HMCN1: variants seen among roughly 807,000 people sequenced by gnomAD.
HMCN1 encodes the protein hemicentin 1, also known as hemicentin-1.
A neutral mutation model predicts 625.9 loss-of-function variants in HMCN1; 321 were observed. That is an observed-to-expected ratio of 0.51 (90% CI 0.47 to 0.56). The LOEUF (loss-of-function observed/expected upper bound fraction) is 0.56. HMCN1 is among the 20% of genes least tolerant of loss of function. The pLI is 0.00. For missense variants in HMCN1, 6,588 were observed against 6,887.3 expected (o/e 0.96, Z 1.54); for synonymous variants, 2,425 against 2,417.6 (o/e 1.00, Z -0.09).
At chr1:185,903,529 C>T (rs563132740) in intron 4 of HMCN1, among the ~76,000 whole-genome samples, 2 of 151,874 alleles carry the variant, frequency 1.3e-5, no homozygotes, top group East Asian at 3.9e-4. Context: ...CTATACAACA[C>T]ATCACCAGCC....
At chr1:186,033,367 A>T (rs1161622350) in intron 36 of HMCN1, among the ~76,000 whole-genome samples, 1 of 152,168 alleles carries the variant, frequency 6.6e-6, no homozygotes, top group Admixed American at 6.6e-5. Flanking sequence ...TGATGGGTGT[A>T]CTAAAATCTC....
At chr1:186,180,254 C>T (rs1474206030) in intron 104 of HMCN1, among the ~76,000 whole-genome samples, 2 of 152,164 alleles carry the variant, frequency 1.3e-5, no homozygotes, top group Non-Finnish European at 2.9e-5. Flanking sequence ...AAGTTGTTCA[C>T]TATTCTCTTA....
intron 36 of HMCN1, among the ~76,000 whole-genome samples, chr1:186,027,197 A>T (rs898505955): frequency 1.3e-5 from 2 of 152,142 alleles, no homozygotes; most frequent in African/African-American, 4.8e-5. Context: ...GAACATTCTC[A>T]TGGGGTTTTC....
intron 4 of HMCN1, among the ~76,000 whole-genome samples, chr1:185,877,171 T>C (rs554869798): frequency 1.3e-5 from 2 of 152,026 alleles, no homozygotes; most frequent in Admixed American, 6.6e-5. Context: ...TATTTATTTA[T>C]TTAATAACAG....
At chr1:185,891,719 C>A (rs942616502) in intron 4 of HMCN1, among the ~76,000 whole-genome samples, 3 of 148,098 alleles carry the variant, frequency 2.0e-5, no homozygotes, top group Admixed American at 6.6e-5. Flanking sequence ...GGTAACCCGA[C>A]CTTTCTCTCT....
chr1:186,121,203 A>T (rs1441024228), intron 80 of HMCN1, among the ~76,000 whole-genome samples: 1 of 152,140 alleles, frequency 6.6e-6, no homozygotes, highest in Non-Finnish European at 1.5e-5. Context: ...CACAAGGGAG[A>T]TCAGAAAAGT....
intron 11 of HMCN1, among the ~76,000 whole-genome samples, chr1:185,960,111 C>G (rs1649903354): frequency 6.7e-6 from 1 of 149,592 alleles, no homozygotes; most frequent in African/African-American, 2.5e-5. Flanking sequence ...AGTATCTTAT[C>G]AGCAGGAATA....
rs185620644 is a variant in HMCN1, at chr1:185,798,643, C to A, written c.269-47383C>A. ...CTGCCTTCAGACTCTGAGATTCTTTCTTCTGCTTGTTCTAGTCTATTGTTA... is the reference window on the plus strand; with the variant it reads ...CTGCCTTCAGACTCTGAGATTCTTTATTCTGCTTGTTCTAGTCTATTGTTA... On this transcript the variant is annotated intron_variant, in intron 1 of 106. Coordinates refer to ENST00000271588, the MANE Select transcript of HMCN1 (RefSeq NM_031935.3). 2.6e-5 allele frequency among the ~76,000 whole-genome samples: 4 copies of A among 151,920 alleles called. No individual in the cohort carries two copies. The East Asian group carries it at 7.8e-4, about 30-fold the overall frequency.
intron 1 of HMCN1, among the ~76,000 whole-genome samples, chr1:185,840,190 C>T (rs150026318): frequency 3.4e-4 from 51 of 152,138 alleles, no homozygotes; most frequent in African/African-American, 7.7e-4. Context: ...AAATATGGAA[C>T]GCATGTATTG....
At chr1:186,015,480 T>C (rs1413110361) in intron 31 of HMCN1, 43 bp downstream of exon 31, 3 of 1,576,078 alleles carry the variant, frequency 1.9e-6, no homozygotes, top group South Asian at 2.2e-5. Context: ...TTTCTACCTA[T>C]GCTTTCTAAT....
intron 1 of HMCN1, among the ~76,000 whole-genome samples, chr1:185,774,041 T>C (rs1656428190): frequency 6.6e-6 from 1 of 152,196 alleles, no homozygotes; most frequent in South Asian, 2.1e-4. Context: ...TACAGACAAC[T>C]TGCTGTCTAC....
intron 36 of HMCN1, 120 bp downstream of exon 36, chr1:186,023,273 TAA>T (rs902415883): frequency 1.1e-5 from 9 of 819,600 alleles, no homozygotes; most frequent in Non-Finnish European, 1.7e-5. Flanking sequence ...TTAGTCTGTA[TAA>T]AAAAAACCTA....
rs548546105 is a variant in HMCN1, at chr1:185,914,157, G to A, written c.900+2377G>A. Among the ~76,000 whole-genome samples, 15 of 152,184 alleles carry A rather than the reference G, an allele frequency of 9.9e-5. No homozygotes were observed. The South Asian group carries it at 2.9e-3, about 29-fold the overall frequency. On this transcript the variant is annotated intron_variant, in intron 6 of 106. Coordinates refer to ENST00000271588, the MANE Select transcript of HMCN1 (RefSeq NM_031935.3). ...AACTTAAAAATAACAAACTTATTTT[G>A]CTTCTATATGAAATACCAAAAGAAT...
intron 6 of HMCN1, among the ~76,000 whole-genome samples, chr1:185,916,901 G>A (rs1469605061): frequency 1.3e-5 from 2 of 152,104 alleles, no homozygotes; most frequent in East Asian, 3.9e-4. Flanking sequence ...GTCACTTAAT[G>A]AGGAAAAAAC....
chr1:186,115,282 C>T lies in HMCN1; in HGVS notation c.11429C>T (p.Pro3810Leu), dbSNP rs762961125. ...VHVPPSIAPG[P>L]TNMTVIVNVQ... ...GTTCCTCCATCTATTGCTCCGGGTC[C>T]TACCAACATGACTGTAATAGTAAAT... Residue 3810 changes from proline to leucine, a missense_variant, in exon 75 of 107, where the codon CCT (proline) becomes CTT (leucine). Pro to Leu is a moderately conservative substitution (Grantham distance 98, BLOSUM62 -3). Coordinates refer to ENST00000271588, the MANE Select transcript of HMCN1 (RefSeq NM_031935.3). 6 of 1,613,874 alleles carry T rather than the reference C, an allele frequency of 3.7e-6. No individual in the cohort carries two copies. The highest frequency in any genetic ancestry group is 1.7e-5 in the Admixed American group (1 of 60,006).
intron 46 of HMCN1, among the ~76,000 whole-genome samples, chr1:186,061,402 A>G (rs1657688574): frequency 6.6e-6 from 1 of 152,114 alleles, no homozygotes; most frequent in South Asian, 2.1e-4. Context: ...GTGGGAAACC[A>G]TTCCCATGAT....
chr1:185,868,277 C>A (rs902507925), intron 4 of HMCN1, among the ~76,000 whole-genome samples: 2 of 151,994 alleles, frequency 1.3e-5, no homozygotes, highest in Non-Finnish European at 2.9e-5. Context: ...AGAAACTAAG[C>A]CCTATAGAGA....
chr1:185,879,778 G>A (rs1020277901), intron 4 of HMCN1, among the ~76,000 whole-genome samples: 21 of 152,306 alleles, frequency 1.4e-4, no homozygotes, highest in African/African-American at 4.1e-4. Context: ...TTGGGAATGT[G>A]TGGGCGAAAT....
chr1:186,182,097 G>A, intron 104 of HMCN1, 71 bp from the exon 105 acceptor site: 2 of 1,565,778 alleles, frequency 1.3e-6, no homozygotes, highest in African/African-American at 2.7e-5. Context: ...ACAACTTGAT[G>A]AGAGTTGGCT....
Sources: allele counts gnomAD v4.1 joint callset (sites outside exome capture counted in the v4.1 genomes callset), GRCh38; gene constraint gnomAD v4.1.1; transcripts MANE v1.5; gene names NCBI Gene and HGNC (gene_info 2026-07-23, HGNC 2026-07-21).